The following FRMD3 variants were observed in gnomAD, a reference collection of about 807,000 sequenced individuals.
The protein encoded by FRMD3 is FERM domain-containing protein 3.
Under a neutral mutation model 70.2 loss-of-function variants are expected in FRMD3, and 33 were observed. The ratio of observed to expected loss-of-function variants is 0.47; its 90% CI spans 0.36 to 0.63. The LOEUF (loss-of-function observed/expected upper bound fraction) is 0.63. Ranked by LOEUF, FRMD3 falls within the 20% of genes least tolerant of loss-of-function variation. FRMD3 has a pLI of 0.00. For missense variants in FRMD3, 632 were observed against 711.4 expected, an observed-to-expected ratio of 0.89 and a Z score of 1.27; for synonymous variants, 279 against 255.9, an observed-to-expected ratio of 1.09 and a Z score of -0.86.
intron 3 of FRMD3, among the ~76,000 whole-genome samples, chr9:83,364,729 A>G (rs181568723): frequency 1.3e-4 from 20 of 152,280 alleles, no homozygotes; most frequent in Admixed American, 1.3e-3. Context: ...TTTTACCTAA[A>G]ACTTTTATAA....
Position 83,245,044 on chromosome 9 carries a change from CT to C in FRMD3, c.*2873del, listed in dbSNP as rs1416130599. On this transcript the variant is annotated 3_prime_UTR_variant, in exon 14 of 14. Transcript: ENST00000304195. ...AGTGGCATTTATGGAAAATTTAACC[CT>C]TTCAGGCTGTGGGTTTTACCCACCA... is the stretch of plus-strand genomic sequence containing the variant. 21 of 985,174 alleles carry C rather than the reference CT, an allele frequency of 2.1e-5. No homozygotes were observed. The highest frequency in any genetic ancestry group is 2.4e-5 in the Non-Finnish European group (20 of 829,878). The allele number at this position is 985,174 out of a possible 1,614,324, so 61.0% of individuals were successfully genotyped here.
chr9:83,495,590 G>T (rs1246553189), intron 1 of FRMD3, among the ~76,000 whole-genome samples: 1 of 152,308 alleles, frequency 6.6e-6, no homozygotes, highest in Non-Finnish European at 1.5e-5. Context: ...AATGTCAACA[G>T]TGCATACATT....
intron 1 of FRMD3, among the ~76,000 whole-genome samples, chr9:83,409,244 C>A (rs890961139): frequency 1.3e-5 from 2 of 152,182 alleles, no homozygotes; most frequent in East Asian, 1.9e-4. Flanking sequence ...GGAAGCCAGG[C>A]GCATTGAACT....
At chr9:83,286,337 T>G (rs911579396) in intron 13 of FRMD3, among the ~76,000 whole-genome samples, 2 of 7,390 alleles carry the variant, frequency 2.7e-4, no homozygotes, top group Non-Finnish European at 4.6e-3. Flanking sequence ...GAGAACACTT[T>G]TTTTTTTTTT....
intron 6 of FRMD3, among the ~76,000 whole-genome samples, chr9:83,316,148 C>CTTTTT (rs369641019): frequency 8.9e-5 from 12 of 134,498 alleles, no homozygotes; most frequent in African/African-American, 1.7e-4. Context: ...TCTTTTTTCT[C>CTTTTT]TTTTTTTTTT....
In FRMD3 at chr9:83,476,212, C is replaced by T. The variant is rs1001510150; in HGVS notation, c.147+61873G>A. Among the ~76,000 whole-genome samples the T allele has an allele frequency of 1.2e-4, 18 of 152,120 alleles. No individual in the cohort carries two copies. In the Middle Eastern group the frequency reaches 0.01, roughly 86 times the overall value. On this transcript the variant is annotated intron_variant, in intron 1 of 13. Coordinates refer to ENST00000304195, the MANE Select transcript of FRMD3 (RefSeq NM_174938.6). ...CAGCCTGGCCAACATGGCAAAACCC[C>T]GTCCCTACTAAAAATACAAAAATTA...
intron 1 of FRMD3, among the ~76,000 whole-genome samples, chr9:83,403,851 C>T (rs1826022657): frequency 6.6e-6 from 1 of 152,068 alleles, no homozygotes; most frequent in African/African-American, 2.4e-5. Flanking sequence ...ATTGCTAATT[C>T]CTCCAAGCTA....
In FRMD3 at chr9:83,482,182, T is replaced by C. The variant is rs1828583357; in HGVS notation, c.147+55903A>G. Among the ~76,000 whole-genome samples, 3 of 152,226 alleles carry C rather than the reference T, an allele frequency of 2.0e-5. No homozygotes were observed. In the South Asian group the frequency reaches 6.2e-4, roughly 32 times the overall value. On this transcript the variant is annotated intron_variant, in intron 1 of 13. Transcript: ENST00000304195. ...AAGGCGTTCGTTTACAGCGAACTCC[T>C]ACTGGGTACATTTTTGGAAGTAGCA...
intron 13 of FRMD3, chr9:83,279,094 C>G (rs1833883882): frequency 6.6e-6 from 1 of 152,144 alleles, no homozygotes; most frequent in South Asian, 2.1e-4. Context: ...AAATTTCCAG[C>G]CTATGTTCCG....
At chr9:83,479,464 G>A (rs1828482995) in intron 1 of FRMD3, among the ~76,000 whole-genome samples, 1 of 145,708 alleles carries the variant, frequency 6.9e-6, no homozygotes, top group Admixed American at 6.9e-5. Context: ...AGGGAGGAAG[G>A]AAGGAAGGAA....
At chr9:83,485,619 T>G (rs930142519) in intron 1 of FRMD3, among the ~76,000 whole-genome samples, 6 of 152,148 alleles carry the variant, frequency 3.9e-5, no homozygotes, top group African/African-American at 1.4e-4. Flanking sequence ...CAGAGAGAAA[T>G]TACCGTCTGG....
At chr9:83,433,742 T>C (rs1460267204) in intron 1 of FRMD3, among the ~76,000 whole-genome samples, 1 of 152,116 alleles carries the variant, frequency 6.6e-6, no homozygotes, top group Admixed American at 6.5e-5. Flanking sequence ...GCAACCTAGA[T>C]CCCTTGTATG....
chr9:83,338,129 G>A (rs776390679), intron 5 of FRMD3, among the ~76,000 whole-genome samples: 19 of 152,168 alleles, frequency 1.2e-4, no homozygotes, highest in Admixed American at 7.9e-4. Flanking sequence ...CAAAGAAGGG[G>A]AAACCCTAAG....
At chr9:83,389,566 C>G in intron 2 of FRMD3, 38 bp downstream of exon 2, 3 of 1,389,752 alleles carry the variant, frequency 2.2e-6, no homozygotes, top group Non-Finnish European at 3.1e-6. Context: ...GTCTGGGTCA[C>G]TCCCTGAAAA....
At chr9:83,315,561 C>T (rs1381277544) in intron 6 of FRMD3, among the ~76,000 whole-genome samples, 1 of 152,178 alleles carries the variant, frequency 6.6e-6, no homozygotes, top group Non-Finnish European at 1.5e-5. Flanking sequence ...GCACCTCCCC[C>T]TGCTCTCTCT....
chr9:83,475,927 C>A (rs952289214), intron 1 of FRMD3, among the ~76,000 whole-genome samples: 5 of 152,166 alleles, frequency 3.3e-5, no homozygotes, highest in East Asian at 3.9e-4. Context: ...CTCCTCCCCC[C>A]AGGCCTCACT....
At chr9:83,467,550 T>C in intron 1 of FRMD3, 1 of 959,584 alleles carries the variant, frequency 1.0e-6, no homozygotes. Context: ...GCATAGTAAC[T>C]CATGACATGC....
At chr9:83,567,172 C>T in the FRMD3 span, among the ~76,000 whole-genome samples, 26 of 152,214 alleles carry the variant, frequency 1.7e-4, no homozygotes, top group African/African-American at 2.4e-4. Context: ...CTCAACACCA[C>T]GTGGAAGCTG....
At chr9:83,577,931 G>C in the FRMD3 span, among the ~76,000 whole-genome samples, 6 of 151,340 alleles carry the variant, frequency 4.0e-5, no homozygotes, top group African/African-American at 1.5e-4. Context: ...CAAACTCTTA[G>C]GCTAACTAGG....
Sources: allele counts gnomAD v4.1 joint callset (sites outside exome capture counted in the v4.1 genomes callset), GRCh38; gene constraint gnomAD v4.1.1; transcripts MANE v1.5; gene names NCBI Gene and HGNC (gene_info 2026-07-23, HGNC 2026-07-21).